The following EDIL3 variants were observed in gnomAD, a reference collection of about 807,000 sequenced individuals.
EDIL3 encodes the protein EGF-like repeat and discoidin I-like domain-containing protein 3.
Under a neutral mutation model 67.4 loss-of-function variants are expected in EDIL3, and 37 were observed. That is an observed-to-expected ratio of 0.55 (90% confidence interval 0.42 to 0.72). The LOEUF (loss-of-function observed/expected upper bound fraction) is 0.72. Ranked by LOEUF, EDIL3 falls within the 30% of genes least tolerant of loss-of-function variation. The probability of loss-of-function intolerance (pLI) is 0.00; values close to 1 mark genes in which losing one functional copy is unlikely to be tolerated. For missense variants in EDIL3, 527 were observed against 586.3 expected, an observed-to-expected ratio of 0.90 and a Z score of 1.04; for synonymous variants, 195 against 196.3, an observed-to-expected ratio of 0.99 and a Z score of 0.05.
intron 1 of EDIL3, among the ~76,000 whole-genome samples, chr5:84,257,665 T>C (rs1422784282): frequency 6.6e-6 from 1 of 152,182 alleles, no homozygotes; most frequent in African/African-American, 2.4e-5. Flanking sequence ...GGGATTATTG[T>C]ATTTGAAAAG....
chr5:84,180,240 A>G (rs1357210123), intron 4 of EDIL3, among the ~76,000 whole-genome samples, 153 bp downstream of exon 4: 1 of 152,194 alleles, frequency 6.6e-6, no homozygotes, highest in Non-Finnish European at 1.5e-5. Flanking sequence ...CACTGTGGAC[A>G]TGGTGTATTC....
chr5:84,318,553 C>G (rs1016051404), intron 1 of EDIL3, among the ~76,000 whole-genome samples: 1 of 152,032 alleles, frequency 6.6e-6, no homozygotes, highest in Admixed American at 6.6e-5. Flanking sequence ...ACAAGAAATG[C>G]AGGAAAGATT....
At chr5:84,067,758 G>A (rs1013995568) in intron 6 of EDIL3, among the ~76,000 whole-genome samples, 5 of 152,036 alleles carry the variant, frequency 3.3e-5, no homozygotes, top group Non-Finnish European at 7.4e-5. Flanking sequence ...CATCTTCCCC[G>A]TTGAAACCTC....
At chr5:83,962,726 A>G (rs1744626295) in intron 10 of EDIL3, among the ~76,000 whole-genome samples, 1 of 151,620 alleles carries the variant, frequency 6.6e-6, no homozygotes, top group African/African-American at 2.4e-5. Context: ...TTCTATTTCT[A>G]AAATTCCTAC....
intron 9 of EDIL3, among the ~76,000 whole-genome samples, chr5:84,055,371 G>C (rs1208417564): frequency 6.8e-6 from 1 of 146,162 alleles, no homozygotes; most frequent in Non-Finnish European, 1.5e-5. Flanking sequence ...GAAAACCTAG[G>C]CTATACCATT....
intron 1 of EDIL3, among the ~76,000 whole-genome samples, chr5:84,264,369 T>C (rs965883477): frequency 1.3e-5 from 2 of 152,088 alleles, no homozygotes; most frequent in Admixed American, 6.5e-5. Flanking sequence ...ATGCAGTAAA[T>C]AGAAGGTTGT....
chr5:84,051,337 G>A (rs969018750), intron 9 of EDIL3, among the ~76,000 whole-genome samples: 51 of 152,164 alleles, frequency 3.4e-4, no homozygotes, highest in African/African-American at 1.2e-3. Context: ...ACCAAAGGTA[G>A]ATAAAACCAC....
chr5:84,277,313 G>A (rs1005715841), intron 1 of EDIL3, among the ~76,000 whole-genome samples: 5 of 152,022 alleles, frequency 3.3e-5, no homozygotes, highest in Admixed American at 2.0e-4. Context: ...GAAGAGAGCC[G>A]ATCTCTGAGG....
intron 1 of EDIL3, among the ~76,000 whole-genome samples, chr5:84,326,812 T>C (rs1746767964): frequency 6.6e-6 from 1 of 151,976 alleles, no homozygotes; most frequent in Non-Finnish European, 1.5e-5. Flanking sequence ...TACCACCTTC[T>C]ACATTCTCTC....
intron 1 of EDIL3, among the ~76,000 whole-genome samples, chr5:84,254,531 T>C (rs371591638): frequency 6.6e-5 from 10 of 152,224 alleles, no homozygotes; most frequent in Admixed American, 5.2e-4. Context: ...TGTAATAGAC[T>C]AGTGTCATTA....
At chr5:84,054,104 T>C (rs1224604294) in intron 9 of EDIL3, among the ~76,000 whole-genome samples, 12 of 152,162 alleles carry the variant, frequency 7.9e-5, no homozygotes, top group African/African-American at 2.7e-4. Context: ...AAAAACCTTA[T>C]CCACCATGAT....
In EDIL3 at chr5:84,117,321, C is replaced by T. The variant is rs551635115; in HGVS notation, c.470-10491G>A. Among the ~76,000 whole-genome samples the T allele has an allele frequency of 7.4e-4, 112 of 152,098 alleles. 4 individuals are homozygous for T. The South Asian group carries it at 0.023, about 31-fold the overall frequency. ...CTGGGATTACAAGCGTGAGCCACCGCGCCCGGCCAAGTACTTATTTTTGTT... is the reference window on the plus strand; with the variant it reads ...CTGGGATTACAAGCGTGAGCCACCGTGCCCGGCCAAGTACTTATTTTTGTT... On this transcript the variant is annotated intron_variant, in intron 5 of 10. Transcript: ENST00000296591.
intron 3 of EDIL3, among the ~76,000 whole-genome samples, chr5:84,213,973 G>A (rs1000445874): frequency 4.6e-5 from 7 of 152,088 alleles, no homozygotes; most frequent in African/African-American, 1.7e-4. Flanking sequence ...AAGTGGATTT[G>A]CAGGCTTGCC....
At chr5:84,368,832 A>G (rs918690652) in intron 1 of EDIL3, among the ~76,000 whole-genome samples, 1 of 152,172 alleles carries the variant, frequency 6.6e-6, no homozygotes, top group Non-Finnish European at 1.5e-5. Flanking sequence ...ATGTTTTCCC[A>G]TAGAAGATAT....
intron 9 of EDIL3, among the ~76,000 whole-genome samples, chr5:84,025,356 G>A (rs1745792811): frequency 6.6e-6 from 1 of 151,992 alleles, no homozygotes. Flanking sequence ...ATTACCGCCT[G>A]AGCTCCACCT....
intron 4 of EDIL3, among the ~76,000 whole-genome samples, chr5:84,177,775 C>G (rs1264389431): frequency 6.6e-6 from 1 of 152,018 alleles, no homozygotes; most frequent in Non-Finnish European, 1.5e-5. Context: ...TTTTAAAAAG[C>G]ATATGGAGGT....
In EDIL3 at chr5:84,051,991, A is replaced by C. The variant is rs922948260; in HGVS notation, c.1137+8309T>G. 3.8e-4 allele frequency among the ~76,000 whole-genome samples: 58 copies of C among 152,282 alleles called. 1 individual carries two copies. Among genetic ancestry groups the C allele is most frequent in the Middle Eastern group, 3.4e-3 (1 of 294 alleles). ...AAGATACTCCTCGAGAAGAGCAACT[A>C]CAAGACACATAATTGTCAGATTCAC... On this transcript the variant is annotated intron_variant, in intron 9 of 10. Transcript: ENST00000296591.
At chr5:84,147,840 A>G (rs982084580) in intron 4 of EDIL3, among the ~76,000 whole-genome samples, 7 of 152,098 alleles carry the variant, frequency 4.6e-5, no homozygotes, top group Non-Finnish European at 8.8e-5. Context: ...ACAGAAAGAT[A>G]ATTTTGCCTA....
At chr5:83,974,915 A>G (rs1744854380) in intron 9 of EDIL3, among the ~76,000 whole-genome samples, 1 of 151,972 alleles carries the variant, frequency 6.6e-6, no homozygotes, top group South Asian at 2.1e-4. Context: ...TTAGGTCCTA[A>G]TATCTATTTC....
Sources: gnomAD v4.1 joint callset for allele counts (sites outside exome capture counted in the v4.1 genomes callset) on GRCh38, gnomAD v4.1.1 for gene constraint, MANE v1.5 for transcripts, NCBI Gene and HGNC (gene_info 2026-07-23, HGNC 2026-07-21) for gene names.